The following SGK1 variants were observed in gnomAD, a reference collection of about 807,000 sequenced individuals.
The protein encoded by SGK1 is serum/glucocorticoid regulated kinase 1.
A neutral mutation model predicts 64.2 loss-of-function variants in SGK1; 26 were observed. That is an observed-to-expected ratio of 0.40 (90% confidence interval 0.30 to 0.56). SGK1 has a LOEUF of 0.56. SGK1 is among the 20% of genes least tolerant of loss of function. SGK1 has a pLI of 0.38. For missense variants in SGK1, 519 were observed against 645.6 expected, an observed-to-expected ratio of 0.80 and a Z score of 2.12; for synonymous variants, 265 against 239.7, an observed-to-expected ratio of 1.11 and a Z score of -0.98.
intron 2 of SGK1, among the ~76,000 whole-genome samples, chr6:134,213,093 G>A (rs900453684): frequency 9.2e-5 from 14 of 152,016 alleles, no homozygotes; most frequent in African/African-American, 2.4e-4. Context: ...CAAATTACCC[G>A]GAGAGCTCAT....
chr6:134,286,816 G>A (rs1777191603), intron 1 of SGK1, among the ~76,000 whole-genome samples: 1 of 152,014 alleles, frequency 6.6e-6, no homozygotes, highest in Admixed American at 6.6e-5. Context: ...CTGGTTATAG[G>A]TTATAGAAGT....
At position 134,226,700 on chromosome 6, in the gene SGK1, A is replaced by AT. The variant is rs201280609; in HGVS notation, c.286-19270_286-19269insA. Among the ~76,000 whole-genome samples, 960 of 151,824 alleles carry AT rather than the reference A, an allele frequency of 6.3e-3. 12 individuals carry two copies. Among genetic ancestry groups the AT allele is most frequent in the African/African-American group, 0.022 (916 of 41,436 alleles). On this transcript the variant is annotated intron_variant, in intron 2 of 13. Transcript: ENST00000367858. ...CAGAGTGAGACCCTGTCTCAAAAAA[A>AT]AAAATAAAAATAAAAATAAATAAAT...
intron 2 of SGK1, chr6:134,261,678 G>C: frequency 1.7e-6 from 1 of 596,262 alleles, no homozygotes; most frequent in Non-Finnish European, 3.0e-6. Flanking sequence ...ACGTGCATGG[G>C]GACAAGCGTA....
At chr6:134,177,170 C>A (rs971538636) in intron 3 of SGK1, among the ~76,000 whole-genome samples, 4 of 152,076 alleles carry the variant, frequency 2.6e-5, no homozygotes, top group Admixed American at 2.6e-4. Flanking sequence ...GCCGAGATCA[C>A]GCCACTGCAC....
intron 2 of SGK1, among the ~76,000 whole-genome samples, chr6:134,258,565 C>T (rs936744627): frequency 2.0e-5 from 3 of 152,062 alleles, no homozygotes; most frequent in African/African-American, 4.8e-5. Flanking sequence ...ATTCGCCAGG[C>T]GTGGTGGCGG....
intron 1 of SGK1, among the ~76,000 whole-genome samples, chr6:134,306,206 T>C (rs757528435): frequency 6.6e-6 from 1 of 152,154 alleles, no homozygotes; most frequent in Non-Finnish European, 1.5e-5. Context: ...GTGGATCACC[T>C]GAGGTCAAGA....
At chr6:134,248,536 G>A (rs767887830) in intron 2 of SGK1, among the ~76,000 whole-genome samples, 4 of 149,302 alleles carry the variant, frequency 2.7e-5, no homozygotes, top group Non-Finnish European at 5.9e-5. Context: ...ACTGCAACCT[G>A]GGCCTCCTGG....
At chr6:134,189,205 GGTGTGT>G (rs71545087) in intron 3 of SGK1, among the ~76,000 whole-genome samples, 3 of 148,124 alleles carry the variant, frequency 2.0e-5, no homozygotes, top group African/African-American at 7.5e-5. Flanking sequence ...CTTTTATACA[GGTGTGT>G]GTGTGTGTGT....
intron 2 of SGK1, among the ~76,000 whole-genome samples, chr6:134,243,170 G>A (rs1183202452): frequency 2.6e-5 from 4 of 151,968 alleles, no homozygotes; most frequent in African/African-American, 4.8e-5. Context: ...TAGAATCAAT[G>A]ATAATGAATT....
chr6:134,314,233 G>A (rs182070991), intron 1 of SGK1, among the ~76,000 whole-genome samples: 16 of 152,242 alleles, frequency 1.1e-4, no homozygotes, highest in Admixed American at 1.0e-3. Context: ...CTAGAATCTG[G>A]GTTCCCCAGG....
chr6:134,261,717 A>G (rs903321655), intron 2 of SGK1: 20 of 615,402 alleles, frequency 3.2e-5, no homozygotes, highest in Non-Finnish European at 4.9e-5. Context: ...CTTCTGCTCA[A>G]TGTTGCTGTG....
intron 2 of SGK1, among the ~76,000 whole-genome samples, chr6:134,227,943 CTTTTTTTTTTTT>C (rs869082001): frequency 1.4e-5 from 1 of 69,730 alleles, no homozygotes; most frequent in East Asian, 4.6e-4. Flanking sequence ...GGAATTCATT[CTTTTTTTTTTTT>C]TTTTTTTTTT....
intron 3 of SGK1, chr6:134,175,671 GCGGCGGGGCGCGCGGCAGACGAGAGCGAC>G (rs1449877777): frequency 6.7e-7 from 1 of 1,487,360 alleles, no homozygotes. Context: ...TGGGCAGCGG[GCGGCGGGGCGCGCGGCAGACGAGAGCGAC>G]CGGCGAGCAC....
At chr6:134,175,586 C>G in intron 3 of SGK1, 14 of 1,569,444 alleles carry the variant, frequency 8.9e-6, no homozygotes, top group Non-Finnish European at 1.2e-5. Context: ...TTCTGCGCCT[C>G]GGCCCTCTTT....
At chr6:134,201,746 A>G (rs1775688396) in intron 3 of SGK1, among the ~76,000 whole-genome samples, 1 of 152,212 alleles carries the variant, frequency 6.6e-6, no homozygotes, top group Non-Finnish European at 1.5e-5. Flanking sequence ...TGACTAGAAC[A>G]TGGCCTTTGT....
chr6:134,280,198 CAA>C (rs1228218844), intron 1 of SGK1, among the ~76,000 whole-genome samples: 18 of 64,252 alleles, frequency 2.8e-4, no homozygotes, highest in Admixed American at 5.4e-4. Flanking sequence ...GACACTGTCT[CAA>C]AAAAAAAAAA....
chr6:134,187,915 C>G (rs933180085), intron 3 of SGK1, among the ~76,000 whole-genome samples: 1 of 152,206 alleles, frequency 6.6e-6, no homozygotes, highest in African/African-American at 2.4e-5. Context: ...GCAGATCACC[C>G]CGAGGAAAGG....
At chr6:134,199,574 A>AAG (rs1554220193) in intron 3 of SGK1, among the ~76,000 whole-genome samples, 7 of 151,166 alleles carry the variant, frequency 4.6e-5, no homozygotes, top group African/African-American at 1.7e-4. Flanking sequence ...AAAAAAAAAA[A>AAG]AAAGAAAGAG....
chr6:134,287,584 T>C (rs1777205481), intron 1 of SGK1, among the ~76,000 whole-genome samples: 1 of 151,386 alleles, frequency 6.6e-6, no homozygotes, highest in South Asian at 2.1e-4. Context: ...TGTGATTTGG[T>C]TTTTTATATT....
Sources: allele counts gnomAD v4.1 joint callset (sites outside exome capture counted in the v4.1 genomes callset), GRCh38; gene constraint gnomAD v4.1.1; transcripts MANE v1.5; gene names NCBI Gene and HGNC (gene_info 2026-07-23, HGNC 2026-07-21).